Variants in ITPR1 observed in about 807,000 individuals in gnomAD.
ITPR1 encodes inositol 1,4,5-trisphosphate receptor type 1, also known as inositol 1,4,5-trisphosphate-gated calcium channel ITPR1.
In ITPR1, 96 loss-of-function variants were observed where a neutral mutation model predicts 318.4. That is an observed-to-expected ratio of 0.30 (90% CI 0.26 to 0.36). ITPR1 has a LOEUF of 0.36. Ranked by LOEUF, ITPR1 falls within the 10% of genes least tolerant of loss-of-function variation. The probability of loss-of-function intolerance (pLI) is 1.00; values close to 1 mark genes in which losing one functional copy is unlikely to be tolerated. For missense variants in ITPR1, 2,440 were observed against 3,460.2 expected, an observed-to-expected ratio of 0.71 and a Z score of 7.40; for synonymous variants, 1,312 against 1,289.9, an observed-to-expected ratio of 1.02 and a Z score of -0.37.
intron 53 of ITPR1, among the ~76,000 whole-genome samples, chr3:4,798,269 T>C (rs1349756357): frequency 6.6e-6 from 1 of 152,212 alleles, no homozygotes; most frequent in African/African-American, 2.4e-5. Flanking sequence ...AAAAAAACTA[T>C]TCAATTAAAA....
intron 61 of ITPR1, among the ~76,000 whole-genome samples, chr3:4,840,671 G>T (rs569906209): frequency 6.6e-6 from 1 of 152,202 alleles, no homozygotes; most frequent in South Asian, 2.1e-4. Flanking sequence ...TTCTATTATT[G>T]CCAAGAATGG....
At chr3:4,555,500 T>C (rs943756047) in intron 4 of ITPR1, among the ~76,000 whole-genome samples, 17 of 152,226 alleles carry the variant, frequency 1.1e-4, no homozygotes, top group Non-Finnish European at 2.5e-4. Flanking sequence ...TCTTAACCCA[T>C]TTTTTGTTAA....
At chr3:4,685,007 C>G (rs2094366657) in intron 29 of ITPR1, 62 bp from the exon 30 acceptor site, 17 of 1,553,450 alleles carry the variant, frequency 1.1e-5, no homozygotes, top group Middle Eastern at 1.7e-4. Context: ...CCACCACCCT[C>G]TGCAATCTTT....
chr3:4,691,070 T>C (rs2094472356), intron 31 of ITPR1, 74 bp from the exon 32 acceptor site: 2 of 1,023,662 alleles, frequency 2.0e-6, no homozygotes, highest in Non-Finnish European at 1.4e-6. Context: ...TGGACTCTTC[T>C]TTTTCTCACT....
At chr3:4,691,923 A>G (rs2094485524) in intron 32 of ITPR1, among the ~76,000 whole-genome samples, 1 of 152,190 alleles carries the variant, frequency 6.6e-6, no homozygotes, top group South Asian at 2.1e-4. Flanking sequence ...AGGCTGAGGC[A>G]GGAGCATCAC....
At chr3:4,679,446 C>T (rs2094253105) in intron 24 of ITPR1, among the ~76,000 whole-genome samples, 1 of 152,158 alleles carries the variant, frequency 6.6e-6, no homozygotes, top group Non-Finnish European at 1.5e-5. Flanking sequence ...GTGTAACTCT[C>T]AGTCTGAGGC....
At chr3:4,496,837 G>C (rs901871) in intron 2 of ITPR1, among the ~76,000 whole-genome samples, 32,709 of 151,900 alleles carry the variant, frequency 0.22, 4,049 homozygotes, top group Admixed American at 0.31. Flanking sequence ...GCAGCTCTTA[G>C]AAAACAAACA....
intron 57 of ITPR1, 75 bp downstream of exon 57, chr3:4,813,309 G>A (rs1398749952): frequency 1.9e-6 from 2 of 1,026,330 alleles, no homozygotes; most frequent in Non-Finnish European, 2.9e-6. Context: ...GGTGATGTTG[G>A]AAGAAGATTA....
At chr3:4,582,204 T>A (rs990669615) in intron 4 of ITPR1, among the ~76,000 whole-genome samples, 4 of 152,144 alleles carry the variant, frequency 2.6e-5, no homozygotes, top group African/African-American at 9.7e-5. Flanking sequence ...AGATACCGCT[T>A]ATTTTTATCA....
At chr3:4,809,827 C>T (rs1023042765) in intron 55 of ITPR1, among the ~76,000 whole-genome samples, 5 of 152,214 alleles carry the variant, frequency 3.3e-5, no homozygotes, top group Non-Finnish European at 5.9e-5. Context: ...TGAAGTTGCG[C>T]TTACTTGCCA....
chr3:4,713,604 C>G (rs1216807075), intron 39 of ITPR1, among the ~76,000 whole-genome samples: 1 of 152,162 alleles, frequency 6.6e-6, no homozygotes, highest in South Asian at 2.1e-4. Context: ...ATCCCAGACC[C>G]CAGGGGATGC....
chr3:4,699,919 C>T lies in ITPR1; in HGVS notation c.4514C>T (p.Ser1505Leu). 6.2e-7 allele frequency: 1 copy of T among 1,613,848 alleles called. No individual in the cohort carries two copies. Among genetic ancestry groups the T allele is most frequent in the Non-Finnish European group, 8.5e-7 (1 of 1,179,746 alleles). The change falls in exon 35 of 62, where the codon TCA becomes TTA. Residue 1505 changes from serine (S) to leucine (L), a missense_variant. Ser to Leu is a moderately radical substitution (Grantham distance 145). Transcript: ENST00000649015. ...IVTTFFSSPF[S>L]DQSTTLQTRQ... ...ACTACTTTCTTCAGCTCTCCCTTCT[C>T]AGACCAGAGTACGACTTTGCAGGTA...
At chr3:4,638,061 T>C (rs141803732) in intron 5 of ITPR1, among the ~76,000 whole-genome samples, 1,557 of 152,228 alleles carry the variant, frequency 0.01, 20 homozygotes, top group African/African-American at 0.035. Flanking sequence ...TTGGTGGGAT[T>C]CAGTAAAGAG....
At chr3:4,843,574 G>A (rs1575451174) in intron 61 of ITPR1, among the ~76,000 whole-genome samples, 2 of 152,334 alleles carry the variant, frequency 1.3e-5, no homozygotes, top group Middle Eastern at 6.8e-3. Flanking sequence ...AATGTTCTGG[G>A]TGATTCTGGC....
chr3:4,815,265 G>A (rs1392436442), intron 59 of ITPR1, 47 bp downstream of exon 59: 14 of 1,596,856 alleles, frequency 8.8e-6, no homozygotes, highest in Non-Finnish European at 1.2e-5. Flanking sequence ...GGCCCAGCGT[G>A]GCAGAGGCAT....
chr3:4,560,725 T>C (rs777096979), intron 4 of ITPR1, among the ~76,000 whole-genome samples: 1 of 152,194 alleles, frequency 6.6e-6, no homozygotes, highest in Admixed American at 6.5e-5. Flanking sequence ...CTTTGGTGCA[T>C]GTAGATACAG....
In ITPR1 at chr3:4,658,277, A is replaced by C; in HGVS notation, c.1150A>C (p.Arg384=). The change falls in exon 13 of 62, where the codon AGG becomes CGG. Residue 384 remains arginine (R), a splice_region_variant and synonymous_variant. Transcript: ENST00000649015. The part of the protein sequence containing the change: ...TLRGGDSLVP[R]NSYVRLRHLC... ...GCGTGGAGGTGACAGCCTTGTCCCA[A>C]GGTATCATTTTAAAATTGCTTTTCC... 1 of 1,604,440 alleles carries C rather than the reference A, an allele frequency of 6.2e-7. No homozygotes were observed. Among genetic ancestry groups the C allele is most frequent in the Non-Finnish European group, 8.5e-7 (1 of 1,173,062 alleles).
intron 4 of ITPR1, among the ~76,000 whole-genome samples, chr3:4,565,404 C>G (rs1043550041): frequency 6.6e-6 from 1 of 152,200 alleles, no homozygotes; most frequent in African/African-American, 2.4e-5. Flanking sequence ...ACCACCTGGT[C>G]CATTCAATGC....
intron 40 of ITPR1, among the ~76,000 whole-genome samples, chr3:4,720,798 A>AG (rs58061279): frequency 2.0e-4 from 31 of 151,586 alleles, no homozygotes; most frequent in South Asian, 1.7e-3. Context: ...TTCGAGGTAG[A>AG]GGGGGAAACA....
Sources: gnomAD v4.1 joint callset for allele counts (sites outside exome capture counted in the v4.1 genomes callset) on GRCh38, gnomAD v4.1.1 for gene constraint, MANE v1.5 for transcripts, NCBI Gene and HGNC (gene_info 2026-07-23, HGNC 2026-07-21) for gene names.